The following SDE2 variants were observed in gnomAD, a reference collection of about 807,000 sequenced individuals.
The protein encoded by SDE2 is spliceosome associated SDE2.
A neutral mutation model predicts 46.9 loss-of-function variants in SDE2; 31 were observed. The ratio of observed to expected loss-of-function variants is 0.66; its 90% CI spans 0.50 to 0.89. SDE2 has a LOEUF of 0.89. Ranked by LOEUF, SDE2 falls within the 40% of genes least tolerant of loss-of-function variation. The pLI is 0.00. For synonymous variants in SDE2, 205 were observed against 204.3 expected (o/e 1.00, Z -0.03); for missense variants, 542 against 564.4 (o/e 0.96, Z 0.40).
chr1:225,993,481 G>A (rs1264964796), intron 2 of SDE2, among the ~76,000 whole-genome samples: 6 of 152,042 alleles, frequency 3.9e-5, no homozygotes, highest in Non-Finnish European at 8.8e-5. Context: ...GCGTGGTGGC[G>A]GGCGCCTGTA....
chr1:225,999,338 C>G lies in SDE2; in HGVS notation c.-26G>C, dbSNP rs749704959. The G allele has an allele frequency of 2.5e-6, 4 of 1,598,560 alleles. No individual in the cohort carries two copies. Among genetic ancestry groups the G allele is most frequent in the Middle Eastern group, 1.7e-4 (1 of 5,790 alleles). On this transcript the variant is annotated 5_prime_UTR_variant, in exon 1 of 7. Coordinates refer to ENST00000272091, the MANE Select transcript of SDE2 (RefSeq NM_152608.4). ...GTCACCGACTACCCGAACCTCAAGC[C>G]TCTCTGAGACACCAGGCGCCGCAAC...
In SDE2 at chr1:225,995,394, A is replaced by T. The variant is rs1656499236; in HGVS notation, c.121-11T>A. The T allele has an allele frequency of 6.6e-7, 1 of 1,523,316 alleles. No individual in the cohort carries two copies. The highest frequency in any genetic ancestry group is 9.1e-7 in the Non-Finnish European group (1 of 1,100,562). The allele number at this position is 1,523,316 out of a possible 1,614,324, so 94.4% of individuals were successfully genotyped here. ...TTCCACTGGAACATTCTAGAGACAA[A>T]TTTGTTTTTTTAATGCCTTTTATGA... is the stretch of plus-strand genomic sequence containing the variant. On this transcript the variant is annotated splice_polypyrimidine_tract_variant and intron_variant, in intron 1 of 6. Coordinates refer to ENST00000272091, the MANE Select transcript of SDE2 (RefSeq NM_152608.4).
Position 225,997,307 on chromosome 1 carries a change from T to A in SDE2, c.120+1886A>T, listed in dbSNP as rs112732125. On this transcript the variant is annotated intron_variant, in intron 1 of 6. Coordinates refer to ENST00000272091, the MANE Select transcript of SDE2 (RefSeq NM_152608.4). ...CAGAATAGTTTTGTTTTTAAAAACA[T>A]AGGTGTGAACTTGAGCTATTCTTAC... Among the ~76,000 whole-genome samples, 3 of 152,354 alleles carry A rather than the reference T, an allele frequency of 2.0e-5. No individual in the cohort carries two copies. The East Asian group carries it at 5.8e-4, about 29-fold the overall frequency.
At position 225,995,506 on chromosome 1, in the gene SDE2, T is replaced by C. The variant is rs1053454540; in HGVS notation, c.121-123A>G. On this transcript the variant is annotated intron_variant, in intron 1 of 6. Transcript: ENST00000272091. Reference sequence around the variant, plus strand: ...ACAGAGGGTGTTCAATTAATATTTGTTGAATTGAAAATGTAAACTACTAGG... The same window carrying C: ...ACAGAGGGTGTTCAATTAATATTTGCTGAATTGAAAATGTAAACTACTAGG... The C allele has an allele frequency of 6.1e-5, 32 of 523,876 alleles. No individual in the cohort carries two copies. The highest frequency in any genetic ancestry group is 7.8e-5 in the Non-Finnish European group (23 of 293,564). 32.5% of individuals were successfully genotyped at this position (523,876 alleles called of 1,614,324 possible).
Position 225,991,369 on chromosome 1 carries a change from C to G in SDE2, c.521-6G>C, listed in dbSNP as rs755401891. ...GCTGGAGGCAGCCTGCATACCTAAC[C>G]AGAAATTTTAACAACTCAGTTTCTA... On this transcript the variant is annotated splice_polypyrimidine_tract_variant and splice_region_variant and intron_variant, in intron 4 of 6. Transcript: ENST00000272091. The G allele has an allele frequency of 5.6e-6, 9 of 1,611,192 alleles. No homozygotes were observed. The highest frequency in any genetic ancestry group is 7.6e-6 in the Non-Finnish European group (9 of 1,177,906).
At chr1:225,994,896 T>C (rs1656487873) in intron 2 of SDE2, among the ~76,000 whole-genome samples, 1 of 152,008 alleles carries the variant, frequency 6.6e-6, no homozygotes, top group African/African-American at 2.4e-5. Context: ...ATACAAAAAT[T>C]AGCTGCGCAT....
Position 225,988,311 on chromosome 1 carries a change from C to G in SDE2, c.719G>C (p.Ser240Thr). The change falls in exon 6 of 7, where the codon AGC becomes ACC. Residue 240 changes from serine to threonine, a missense_variant. Around this residue, in one of 3 missense-constraint regions of SDE2, gnomAD observed 401 missense variants for 437.8 expected, o/e 0.92. Coordinates refer to ENST00000272091, the MANE Select transcript of SDE2 (RefSeq NM_152608.4). ...AGCATGGAAACCCATTCCTGAAGTGCTTGGTGCTTCTTCACTGTCATCATC... is the reference window on the plus strand; with the variant it reads ...AGCATGGAAACCCATTCCTGAAGTGGTTGGTGCTTCTTCACTGTCATCATC... ...SSDDDSEEAP[S>T]TSGMGFHAPK... 1 of 1,614,224 alleles carries G rather than the reference C, an allele frequency of 6.2e-7. No homozygotes were observed. Among genetic ancestry groups the G allele is most frequent in the East Asian group, 2.2e-5 (1 of 44,892 alleles).
intron 1 of SDE2, among the ~76,000 whole-genome samples, chr1:225,998,324 G>C (rs561077245): frequency 6.6e-6 from 1 of 152,134 alleles, no homozygotes; most frequent in Admixed American, 6.6e-5. Context: ...TCACGGAATC[G>C]ATCCAAGTCT....
chr1:225,985,570 G>T (rs1277778245), intron 6 of SDE2, 47 bp from the exon 7 acceptor site: 3 of 1,186,774 alleles, frequency 2.5e-6, no homozygotes, highest in Non-Finnish European at 3.7e-6. Context: ...TCCTTCCTCT[G>T]AATAAAGACT....
At chr1:225,994,519 G>A (rs960369690) in intron 2 of SDE2, among the ~76,000 whole-genome samples, 3 of 152,178 alleles carry the variant, frequency 2.0e-5, no homozygotes, top group African/African-American at 7.2e-5. Context: ...ACCAACAACT[G>A]TTTATATTGT....
chr1:225,995,829 G>A (rs1208977917), intron 1 of SDE2, among the ~76,000 whole-genome samples: 1 of 152,154 alleles, frequency 6.6e-6, no homozygotes, highest in African/African-American at 2.4e-5. Flanking sequence ...CAAGAGTGTG[G>A]TTTTTAATAC....
In SDE2 at chr1:225,995,373, A is replaced by G. The variant is rs1405445679; in HGVS notation, c.131T>C (p.Val44Ala). 4 of 1,589,928 alleles carry G rather than the reference A, an allele frequency of 2.5e-6. No homozygotes were observed. Among genetic ancestry groups the G allele is most frequent in the Admixed American group, 3.4e-5 (2 of 59,680 alleles). Residue 44 changes from valine to alanine, a missense_variant, in exon 2 of 7, where the codon GTG (valine) becomes GCG (alanine). By Grantham distance (64) the Val-to-Ala change is moderately conservative. Coordinates refer to ENST00000272091, the MANE Select transcript of SDE2 (RefSeq NM_152608.4). ...HRHCQDQNVPVENFFVKCNGA... is the reference protein window; with the variant it reads ...HRHCQDQNVPAENFFVKCNGA... ...ATTGCATTTCACAAAGAAGTTTTCC[A>G]CTGGAACATTCTAGAGACAAATTTG...
intron 5 of SDE2, among the ~76,000 whole-genome samples, chr1:225,989,578 G>A (rs1265904884): frequency 2.7e-5 from 4 of 150,012 alleles, no homozygotes; most frequent in Admixed American, 2.0e-4. Context: ...GCAGTAAGCC[G>A]AGATTGTGCC....
chr1:225,990,332 T>C (rs1000815645), intron 5 of SDE2, among the ~76,000 whole-genome samples: 2 of 152,068 alleles, frequency 1.3e-5, no homozygotes, highest in African/African-American at 4.8e-5. Flanking sequence ...AAAGACTAAA[T>C]CATAGTAACA....
Position 225,999,210 on chromosome 1 carries a change from G to A in SDE2, c.103C>T (p.Arg35Trp), listed in dbSNP as rs747729982. 5 of 1,612,292 alleles carry A rather than the reference G, an allele frequency of 3.1e-6. No homozygotes were observed. The highest frequency in any genetic ancestry group is 1.1e-5 in the South Asian group (1 of 90,850). Reference protein sequence around the residue: ...GRCTVRDFIHRHCQDQNVPVE... With the variant: ...GRCTVRDFIHWHCQDQNVPVE... ...ATCCTCACCTGATCTTGGCAGTGCC[G>A]GTGGATAAAATCCCGGACGGTGCAC... Residue 35 changes from arginine (R) to tryptophan (W), a missense_variant, in exon 1 of 7, where the codon CGG becomes TGG. This residue lies in a region of SDE2 where 135 missense variants were observed against 106.5 expected (regional missense o/e 1.27). Transcript: ENST00000272091.
chr1:225,985,529 G>A lies in SDE2; in HGVS notation c.1135-6C>T, dbSNP rs1266224261. 4 of 1,563,930 alleles carry A rather than the reference G, an allele frequency of 2.6e-6. No homozygotes were observed. Among genetic ancestry groups the A allele is most frequent in the Admixed American group, 3.4e-5 (2 of 58,528 alleles). ...ATAGTTTCCTTATCAATAACCTGAG[G>A]GAAAAAAATAAGAAAATATTTAAAA... On this transcript the variant is annotated splice_polypyrimidine_tract_variant and splice_region_variant and intron_variant, in intron 6 of 6. Transcript: ENST00000272091.
rs769344900 is a variant in SDE2 at position 225,991,322 on chromosome 1, T to G, written c.562A>C (p.Ser188Arg). The G allele has an allele frequency of 3.1e-6, 5 of 1,613,880 alleles. No individual in the cohort carries two copies. The highest frequency in any genetic ancestry group is 1.3e-5 in the African/African-American group (1 of 74,940). Residue 188 changes from serine (S) to arginine (R), a missense_variant, in exon 5 of 7, where the codon AGT (serine) becomes CGT (arginine). Physicochemically the swap from Ser to Arg is moderately radical, Grantham distance 110. This residue lies in a region of SDE2 where 401 missense variants were observed against 437.8 expected (regional missense o/e 0.92). Transcript: ENST00000272091. ...GGCCATTGCCGTTTCCGATTCTCACTGATTTCTGCTGAAACCATCTTGCTG... is the reference window on the plus strand; with the variant it reads ...GGCCATTGCCGTTTCCGATTCTCACGGATTTCTGCTGAAACCATCTTGCTG... ...ASSKMVSAEISENRKRQWPTK... is the reference protein window; with the variant it reads ...ASSKMVSAEIRENRKRQWPTK...
At position 225,993,012 on chromosome 1, in the gene SDE2, T is replaced by C. The variant is rs760424116; in HGVS notation, c.239-10A>G. The stretch of plus-strand genomic sequence containing the variant: ...AGCATAGATCCAAAACCTGAGCAGA[T>C]GTATTTGGAGAAAGCAGGTTAAAAT... On this transcript the variant is annotated splice_polypyrimidine_tract_variant and intron_variant, in intron 2 of 6. Transcript: ENST00000272091. The C allele has an allele frequency of 3.3e-6, 5 of 1,500,794 alleles. No individual in the cohort carries two copies. The highest frequency in any genetic ancestry group is 1.7e-4 in the Middle Eastern group (1 of 5,866). 93.0% of individuals were successfully genotyped at this position (1,500,794 alleles called of 1,614,324 possible).
chr1:225,998,907 C>A (rs1371158977), intron 1 of SDE2, among the ~76,000 whole-genome samples: 1 of 151,974 alleles, frequency 6.6e-6, no homozygotes, highest in South Asian at 2.1e-4. Context: ...ATTATATTTA[C>A]GGATAAAGAA....
Sources: gnomAD v4.1 joint callset for allele counts (sites outside exome capture counted in the v4.1 genomes callset) on GRCh38, gnomAD v4.1.1 for gene constraint, gnomAD v4.1.1 regional missense constraint, MANE v1.5 for transcripts, NCBI Gene and HGNC (gene_info 2026-07-23, HGNC 2026-07-21) for gene names.